Variants in CNTNAP2 observed in about 807,000 individuals in gnomAD.
The protein encoded by CNTNAP2 is contactin associated protein 2.
In CNTNAP2, 98 loss-of-function variants were observed where a neutral mutation model predicts 155.2. The ratio of observed to expected loss-of-function variants is 0.63; its 90% CI spans 0.54 to 0.75. The LOEUF (loss-of-function observed/expected upper bound fraction) is 0.75, where lower values mean the gene tolerates loss of function less well. Among genes scored for constraint, CNTNAP2 ranks in the 30% least tolerant of loss-of-function variants. CNTNAP2 has a pLI of 0.00. For synonymous variants in CNTNAP2, 651 were observed against 631.2 expected, an observed-to-expected ratio of 1.03 and a Z score of -0.47; for missense variants, 1,727 against 1,688.1, an observed-to-expected ratio of 1.02 and a Z score of -0.40.
At chr7:146,565,023 TATA>T (rs748296290) in intron 1 of CNTNAP2, among the ~76,000 whole-genome samples, 19 of 152,230 alleles carry the variant, frequency 1.2e-4, no homozygotes, top group Non-Finnish European at 2.6e-4. Context: ...TTTCTCCTAC[TATA>T]ATATTTCAGT....
chr7:148,247,656 TTTATTTA>T (rs1313028948), intron 20 of CNTNAP2, among the ~76,000 whole-genome samples: 2 of 143,914 alleles, frequency 1.4e-5, no homozygotes, highest in Non-Finnish European at 3.0e-5. Context: ...TATTTATTTA[TTTATTTA>T]TTTTTTTGGA....
chr7:148,391,359 C>T (rs546780250), intron 22 of CNTNAP2, among the ~76,000 whole-genome samples: 100 of 132,358 alleles, frequency 7.6e-4, no homozygotes, highest in African/African-American at 2.3e-3. Context: ...TCACCCCAAG[C>T]GCTAGGGCCT....
At chr7:148,242,634 A>G (rs1428934957) in intron 20 of CNTNAP2, among the ~76,000 whole-genome samples, 2 of 152,240 alleles carry the variant, frequency 1.3e-5, no homozygotes, top group South Asian at 2.1e-4. Flanking sequence ...ACTTATAGAA[A>G]TGGAAGCTTG....
At chr7:147,142,801 C>T (rs4551260) in intron 8 of CNTNAP2, among the ~76,000 whole-genome samples, 51,160 of 151,624 alleles carry the variant, frequency 0.34, 9,320 homozygotes, top group East Asian at 0.55. Flanking sequence ...CACACAAGAA[C>T]ATGCACAAAC....
intron 1 of CNTNAP2, among the ~76,000 whole-genome samples, chr7:146,332,119 T>C (rs564625284): frequency 5.6e-4 from 85 of 152,014 alleles, no homozygotes; most frequent in Non-Finnish European, 1.1e-3. Flanking sequence ...AAGATCCCAC[T>C]GATAAATACA....
intron 18 of CNTNAP2, among the ~76,000 whole-genome samples, chr7:148,213,426 G>A (rs1394037578): frequency 1.3e-5 from 2 of 152,124 alleles, no homozygotes; most frequent in African/African-American, 4.8e-5. Flanking sequence ...AGGTGCTGGG[G>A]TCTCTGCTGC....
intron 1 of CNTNAP2, among the ~76,000 whole-genome samples, chr7:146,258,741 G>A (rs1396178848): frequency 1.3e-5 from 2 of 152,148 alleles, no homozygotes; most frequent in African/African-American, 4.8e-5. Flanking sequence ...AATCCTCAGA[G>A]ATGAGCCATT....
chr7:147,942,564 G>A (rs908416918), intron 14 of CNTNAP2, among the ~76,000 whole-genome samples: 1 of 152,062 alleles, frequency 6.6e-6, no homozygotes, highest in East Asian at 1.9e-4. Flanking sequence ...TCAGTATCTC[G>A]TGCAGCAGTG....
chr7:147,726,764 A>G (rs2116458632), intron 13 of CNTNAP2, among the ~76,000 whole-genome samples: 1 of 152,140 alleles, frequency 6.6e-6, no homozygotes, highest in Non-Finnish European at 1.5e-5. Context: ...TTACATTAGG[A>G]TTAGAGACAA....
chr7:146,651,801 T>C (rs1326030601), intron 1 of CNTNAP2, among the ~76,000 whole-genome samples: 1 of 152,138 alleles, frequency 6.6e-6, no homozygotes. Context: ...CAATGCTATA[T>C]ATTATTCTGA....
At chr7:146,725,130 G>A (rs1801409101) in intron 1 of CNTNAP2, among the ~76,000 whole-genome samples, 1 of 150,676 alleles carries the variant, frequency 6.6e-6, no homozygotes, top group South Asian at 2.1e-4. Flanking sequence ...CGGCCTCCAT[G>A]CTCACTCACA....
chr7:147,613,430 G>A (rs1801224236), intron 12 of CNTNAP2, among the ~76,000 whole-genome samples: 1 of 152,104 alleles, frequency 6.6e-6, no homozygotes, highest in Non-Finnish European at 1.5e-5. Context: ...CTACTCAGTG[G>A]CCTAAAATTT....
At chr7:148,291,777 C>T (rs1563028288) in intron 21 of CNTNAP2, among the ~76,000 whole-genome samples, 1 of 152,100 alleles carries the variant, frequency 6.6e-6, no homozygotes, top group African/African-American at 2.4e-5. Flanking sequence ...GATTCCAAAA[C>T]GTCATGTTGT....
At chr7:148,362,864 T>C (rs891056750) in intron 21 of CNTNAP2, among the ~76,000 whole-genome samples, 1 of 152,206 alleles carries the variant, frequency 6.6e-6, no homozygotes, top group African/African-American at 2.4e-5. Context: ...TTACAACATT[T>C]TTACTTTACC....
chr7:147,779,606 T>C (rs1399250892), intron 13 of CNTNAP2, among the ~76,000 whole-genome samples: 2 of 152,202 alleles, frequency 1.3e-5, no homozygotes, highest in African/African-American at 4.8e-5. Flanking sequence ...TACACGCTGT[T>C]GCAAAACTGT....
intron 3 of CNTNAP2, among the ~76,000 whole-genome samples, chr7:147,031,971 G>T (rs12539898): frequency 6.6e-6 from 1 of 152,050 alleles, no homozygotes; most frequent in Non-Finnish European, 1.5e-5. Context: ...GTATACACAC[G>T]GTGAGGAGTG....
chr7:146,145,762 G>C (rs1797948842), intron 1 of CNTNAP2, among the ~76,000 whole-genome samples: 1 of 152,126 alleles, frequency 6.6e-6, no homozygotes, highest in Non-Finnish European at 1.5e-5. Flanking sequence ...CAATGTATTT[G>C]TACCTCGCGT....
At chr7:146,669,305 G>T (rs1800255331) in intron 1 of CNTNAP2, among the ~76,000 whole-genome samples, 2 of 152,100 alleles carry the variant, frequency 1.3e-5, no homozygotes, top group African/African-American at 4.8e-5. Context: ...CTTTGACATG[G>T]AGATTTTGCA....
intron 1 of CNTNAP2, among the ~76,000 whole-genome samples, chr7:146,543,402 A>G (rs1035023290): frequency 1.4e-4 from 21 of 151,792 alleles, no homozygotes; most frequent in Non-Finnish European, 2.8e-4. Context: ...ACATTCCCTC[A>G]TTCCCCTTTC....
Sources: allele counts gnomAD v4.1 joint callset (sites outside exome capture counted in the v4.1 genomes callset), GRCh38; gene constraint gnomAD v4.1.1; transcripts MANE v1.5; gene names NCBI Gene and HGNC (gene_info 2026-07-23, HGNC 2026-07-21).